Variants in NPSR1 observed in about 807,000 individuals in gnomAD.
NPSR1 encodes neuropeptide S receptor 1.
In NPSR1, 48 loss-of-function variants were observed where a neutral mutation model predicts 46.9. The ratio of observed to expected loss-of-function variants is 1.02; its 90% CI spans 0.81 to 1.30. NPSR1 has a LOEUF of 1.30. NPSR1 is among the 50% of genes most tolerant of loss of function. NPSR1 has a pLI of 0.00. For synonymous variants in NPSR1, 176 were observed against 168.1 expected, an observed-to-expected ratio of 1.05 and a Z score of -0.36; for missense variants, 450 against 449.5, an observed-to-expected ratio of 1.00 and a Z score of -0.01.
At chr7:34,813,517 C>T (rs1457218064) in intron 4 of NPSR1, among the ~76,000 whole-genome samples, 2 of 152,136 alleles carry the variant, frequency 1.3e-5, no homozygotes, top group South Asian at 2.1e-4. Flanking sequence ...CAGTAATATG[C>T]ATCAACATGA....
Position 34,742,453 on chromosome 7 carries a change from C to T in NPSR1, c.281-36009C>T, listed in dbSNP as rs1784991402. On this transcript the variant is annotated intron_variant, in intron 2 of 8. Coordinates refer to ENST00000360581, the MANE Select transcript of NPSR1 (RefSeq NM_207172.2). ...TCTGTTCCTGCATTAGTTTGCTAAGCATAATATCCTCCAGCTTCATCCATG... is the reference window on the plus strand; with the variant it reads ...TCTGTTCCTGCATTAGTTTGCTAAGTATAATATCCTCCAGCTTCATCCATG... Among the ~76,000 whole-genome samples the T allele has an allele frequency of 3.3e-5, 5 of 152,278 alleles. 1 individual carries two copies. In the South Asian group the frequency reaches 1.0e-3, roughly 32 times the overall value.
chr7:34,840,899 C>A (rs925722626), intron 6 of NPSR1, among the ~76,000 whole-genome samples: 2 of 152,088 alleles, frequency 1.3e-5, no homozygotes, highest in Admixed American at 6.5e-5. Context: ...GACAAAGACA[C>A]CCTGGGAAGA....
intron 4 of NPSR1, among the ~76,000 whole-genome samples, chr7:34,826,302 G>T (rs1789834587): frequency 6.6e-6 from 1 of 152,176 alleles, no homozygotes; most frequent in African/African-American, 2.4e-5. Flanking sequence ...AGGAAGAACA[G>T]AACCCTAGAT....
intron 2 of NPSR1, among the ~76,000 whole-genome samples, chr7:34,746,785 G>C (rs1305645099): frequency 1.3e-5 from 2 of 152,138 alleles, no homozygotes; most frequent in Non-Finnish European, 2.9e-5. Context: ...TCCAAGAATG[G>C]GAAAGAGTGA....
At chr7:34,669,494 G>A (rs1349743743) in intron 1 of NPSR1, among the ~76,000 whole-genome samples, 3 of 151,876 alleles carry the variant, frequency 2.0e-5, no homozygotes, top group Admixed American at 6.6e-5. Context: ...GCTTGATCCC[G>A]GGAGGCAGAG....
chr7:34,754,829 T>C (rs1281281037), intron 2 of NPSR1, among the ~76,000 whole-genome samples: 1 of 152,212 alleles, frequency 6.6e-6, no homozygotes, highest in Non-Finnish European at 1.5e-5. Flanking sequence ...GCCAATCTAC[T>C]TCCTATGTCT....
intron 6 of NPSR1, among the ~76,000 whole-genome samples, chr7:34,839,656 T>C (rs1161605056): frequency 6.6e-6 from 1 of 152,220 alleles, no homozygotes; most frequent in Non-Finnish European, 1.5e-5. Context: ...TATGTCTTAA[T>C]TAAAATCCAG....
chr7:34,774,946 AC>A lies in NPSR1; in HGVS notation c.281-3515del, dbSNP rs1786880832. On this transcript the variant is annotated intron_variant, in intron 2 of 8. Transcript: ENST00000360581. ...TTTATTGAGATTGAGAATGTAAGAT[AC>A]AGCAATTTAACTTTTACTTGAAAAT... Among the ~76,000 whole-genome samples the A allele has an allele frequency of 4.6e-5, 7 of 152,308 alleles. No individual in the cohort carries two copies. In the South Asian group the frequency reaches 1.5e-3, roughly 32 times the overall value.
intron 2 of NPSR1, among the ~76,000 whole-genome samples, chr7:34,775,247 G>A (rs1786899358): frequency 6.6e-6 from 1 of 152,140 alleles, no homozygotes; most frequent in East Asian, 1.9e-4. Context: ...ACATAGCCAT[G>A]GGCAAAGCAG....
intron 8 of NPSR1, among the ~76,000 whole-genome samples, chr7:34,858,417 T>C (rs1341954130): frequency 4.6e-5 from 7 of 151,842 alleles, no homozygotes; most frequent in African/African-American, 1.5e-4. Flanking sequence ...AAACATAATA[T>C]AAAGGTCAAA....
intron 4 of NPSR1, among the ~76,000 whole-genome samples, chr7:34,814,518 C>T (rs1299452283): frequency 1.3e-5 from 2 of 152,212 alleles, no homozygotes; most frequent in Admixed American, 1.3e-4. Context: ...CGTCCCTGTT[C>T]GACAGCTCTG....
intron 2 of NPSR1, among the ~76,000 whole-genome samples, chr7:34,737,683 G>A (rs1051300845): frequency 7.2e-5 from 11 of 152,098 alleles, no homozygotes; most frequent in African/African-American, 1.9e-4. Flanking sequence ...GGTCTGCTTC[G>A]ATCCTATGAA....
In NPSR1 at chr7:34,676,717, G is replaced by C. The variant is rs1305559593; in HGVS notation, c.148-7835G>C. 2.0e-5 allele frequency among the ~76,000 whole-genome samples: 3 copies of C among 152,176 alleles called. No individual in the cohort carries two copies. The East Asian group carries it at 5.8e-4, about 29-fold the overall frequency. On this transcript the variant is annotated intron_variant, in intron 1 of 8. Coordinates refer to ENST00000360581, the MANE Select transcript of NPSR1 (RefSeq NM_207172.2). ...AACGCCTTACACTGTGTCTGGCATA[G>C]AGTAGGAAATTAATAGATGTTAGAT...
At chr7:34,804,502 C>A (rs1788589858) in intron 3 of NPSR1, among the ~76,000 whole-genome samples, 1 of 151,926 alleles carries the variant, frequency 6.6e-6, no homozygotes, top group Non-Finnish European at 1.5e-5. Context: ...ACTCAGCAAA[C>A]TGGAAACAAA....
intron 2 of NPSR1, among the ~76,000 whole-genome samples, chr7:34,690,376 C>T (rs755217557): frequency 6.6e-6 from 1 of 152,142 alleles, no homozygotes; most frequent in Non-Finnish European, 1.5e-5. Context: ...AAGGATCACA[C>T]TAACTCTCCA....
chr7:34,877,167 G>C (rs1005227546), intron 8 of NPSR1, among the ~76,000 whole-genome samples: 21 of 152,168 alleles, frequency 1.4e-4, no homozygotes, highest in Middle Eastern at 3.2e-3. Context: ...AGCATGGACA[G>C]TGTAGCCACT....
At chr7:34,793,356 C>CA (rs1204689484) in intron 3 of NPSR1, among the ~76,000 whole-genome samples, 1 of 151,578 alleles carries the variant, frequency 6.6e-6, no homozygotes, top group Admixed American at 6.6e-5. Context: ...AACTCAATAG[C>CA]AAAAAACAAA....
chr7:34,722,069 A>G (rs961833374), intron 2 of NPSR1, among the ~76,000 whole-genome samples: 16 of 152,146 alleles, frequency 1.1e-4, no homozygotes, highest in African/African-American at 1.7e-4. Flanking sequence ...GAGAAGGAAG[A>G]GAAGGAGAAA....
At chr7:34,748,454 G>A (rs574522695) in intron 2 of NPSR1, among the ~76,000 whole-genome samples, 2 of 152,118 alleles carry the variant, frequency 1.3e-5, no homozygotes, top group African/African-American at 4.8e-5. Flanking sequence ...TCAGGACGGG[G>A]CCAGAGCATG....
Sources: allele counts gnomAD v4.1 joint callset (sites outside exome capture counted in the v4.1 genomes callset), GRCh38; gene constraint gnomAD v4.1.1; transcripts MANE v1.5; gene names NCBI Gene and HGNC (gene_info 2026-07-23, HGNC 2026-07-21).